MEMO1: variants seen among roughly 807,000 people sequenced by gnomAD.
MEMO1 encodes the protein mediator of cell motility 1.
In MEMO1, 6 loss-of-function variants were observed where a neutral mutation model predicts 45.2. That is an observed-to-expected ratio of 0.13 (90% confidence interval 0.07 to 0.26). The LOEUF (loss-of-function observed/expected upper bound fraction) is 0.26, where lower values mean the gene tolerates loss of function less well. MEMO1 is among the 10% of genes least tolerant of loss of function. MEMO1 has a pLI of 1.00. For missense variants in MEMO1, 184 were observed against 370.5 expected, an observed-to-expected ratio of 0.50 and a Z score of 4.13; for synonymous variants, 78 against 124.3, an observed-to-expected ratio of 0.63 and a Z score of 2.48.
intron 2 of MEMO1, among the ~76,000 whole-genome samples, chr2:31,947,911 A>G (rs1666373565): frequency 6.6e-6 from 1 of 152,202 alleles, no homozygotes; most frequent in Non-Finnish European, 1.5e-5. Flanking sequence ...TTGGTTTTCT[A>G]TACTTCTCTA....
rs542496525 is a variant in MEMO1, at chr2:31,990,694, A to G, written c.61+19493T>C. ...AGTGCTAGGATTACAGGTATGAGCG[A>G]CCACGCCTAGCCAAAAGTAAGTAAC... On this transcript the variant is annotated intron_variant, in intron 2 of 9. Transcript: ENST00000404530. 1.7e-3 allele frequency among the ~76,000 whole-genome samples: 262 copies of G among 151,382 alleles called. 2 individuals are homozygous for G. The highest frequency in any genetic ancestry group is 8.2e-4 in the Non-Finnish European group (56 of 67,906).
intron 2 of MEMO1, among the ~76,000 whole-genome samples, chr2:31,980,285 T>G (rs1437793677): frequency 2.6e-5 from 4 of 152,068 alleles, no homozygotes; most frequent in Non-Finnish European, 5.9e-5. Context: ...ATTTTAAAAT[T>G]AGCTGGGCGT....
At chr2:31,905,304 GGAA>G (rs1679505360) in intron 6 of MEMO1, among the ~76,000 whole-genome samples, 1 of 152,106 alleles carries the variant, frequency 6.6e-6, no homozygotes, top group Admixed American at 6.5e-5. Context: ...AGAGGATAGG[GGAA>G]GAAGAAGGGT....
intron 2 of MEMO1, among the ~76,000 whole-genome samples, chr2:31,999,498 C>CA (rs1439376179): frequency 6.6e-5 from 10 of 152,106 alleles, no homozygotes; most frequent in African/African-American, 9.7e-5. Context: ...CCCGCCCCCC[C>CA]ATCTCTACCA....
chr2:31,893,176 T>TGTTA (rs1558481897), intron 6 of MEMO1: 1 of 207,080 alleles, frequency 4.8e-6, no homozygotes, highest in Non-Finnish European at 1.1e-5. Context: ...CCCAAATAAA[T>TGTTA]GTTAGCCCAG....
chr2:31,981,039 C>A (rs570381440), intron 2 of MEMO1, among the ~76,000 whole-genome samples: 1 of 152,230 alleles, frequency 6.6e-6, no homozygotes, highest in Non-Finnish European at 1.5e-5. Flanking sequence ...GTCAATCGTA[C>A]ACCAATTCAG....
rs193294234 is a variant in MEMO1 at position 32,002,385 on chromosome 2, A to C, written c.61+7802T>G. 3.1e-3 allele frequency among the ~76,000 whole-genome samples: 465 copies of C among 150,250 alleles called. 2 individuals are homozygous for C. The highest frequency in any genetic ancestry group is 0.011 in the African/African-American group (438 of 41,076). On this transcript the variant is annotated intron_variant, in intron 2 of 9. Transcript: ENST00000404530. ...TGAGGAAATCCTTTATATAAGCCAC[A>C]ATATACATATATATATAATATACAT... is the stretch of plus-strand genomic sequence containing the variant.
chr2:31,973,826 G>C (rs1283645200), intron 2 of MEMO1, among the ~76,000 whole-genome samples: 1 of 152,160 alleles, frequency 6.6e-6, no homozygotes, highest in Non-Finnish European at 1.5e-5. Context: ...AGGAAAAGGA[G>C]AGTGACTGCT....
rs946795320 is a variant in MEMO1 at position 32,010,197 on chromosome 2, G to A, written c.51C>T (p.Tyr17=). The A allele has an allele frequency of 1.2e-5, 18 of 1,490,298 alleles. No individual in the cohort carries two copies. Among genetic ancestry groups the A allele is most frequent in the Non-Finnish European group, 1.6e-5 (18 of 1,113,486 alleles). The allele number at this position is 1,490,298 out of a possible 1,614,324, so 92.3% of individuals were successfully genotyped here. ...GGCCTGGGGCCCTACCTGAGGCTGT[G>A]TACCAGCTCCCGGCGTGACTGGCTT... ...CREASHAGSW[Y]TASGPQLNAQ... Residue 17 remains tyrosine (Y), a synonymous_variant, in exon 2 of 10, where the codon TAC becomes TAT. Coordinates refer to ENST00000404530, the MANE Select transcript of MEMO1 (RefSeq NM_001301833.4).
intron 2 of MEMO1, among the ~76,000 whole-genome samples, chr2:31,986,161 G>A (rs1326357558): frequency 2.6e-5 from 4 of 152,104 alleles, no homozygotes; most frequent in Admixed American, 6.6e-5. Flanking sequence ...TTGGGAGGCC[G>A]AGGCAGGCAG....
At chr2:31,871,248 T>C (rs987233876) in intron 8 of MEMO1, among the ~76,000 whole-genome samples, 2 of 152,216 alleles carry the variant, frequency 1.3e-5, no homozygotes, top group Admixed American at 1.3e-4. Context: ...GTGGTTTAAC[T>C]AGGGACTTAA....
chr2:31,887,043 G>T lies in MEMO1; in HGVS notation c.581-3581C>A, dbSNP rs535415681. Among the ~76,000 whole-genome samples the T allele has an allele frequency of 3.9e-5, 6 of 152,268 alleles. No homozygotes were observed. The South Asian group carries it at 1.0e-3, about 26-fold the overall frequency. On this transcript the variant is annotated intron_variant, in intron 7 of 9. Transcript: ENST00000404530. ...TAAAGCAGAAACCTTACTCTTTGAGGGAAGGAGGGTAGCTCATTTGTGAAT... is the reference window on the plus strand; with the variant it reads ...TAAAGCAGAAACCTTACTCTTTGAGTGAAGGAGGGTAGCTCATTTGTGAAT...
At chr2:31,925,516 C>CT (rs1334575278) in intron 4 of MEMO1, among the ~76,000 whole-genome samples, 1 of 146,848 alleles carries the variant, frequency 6.8e-6, no homozygotes, top group Non-Finnish European at 1.5e-5. Flanking sequence ...CCCGGAGATA[C>CT]TTTCCCCAAT....
At chr2:31,947,829 A>C (rs573414335) in intron 2 of MEMO1, among the ~76,000 whole-genome samples, 109 of 152,288 alleles carry the variant, frequency 7.2e-4, no homozygotes, top group African/African-American at 2.5e-3. Flanking sequence ...ACACACACAC[A>C]CCTGCTTTTC....
At chr2:31,989,577 G>C (rs1671691857) in intron 2 of MEMO1, among the ~76,000 whole-genome samples, 1 of 152,144 alleles carries the variant, frequency 6.6e-6, no homozygotes, top group Non-Finnish European at 1.5e-5. Context: ...TAGATTCATA[G>C]ATCTTAATGA....
At chr2:31,930,806 T>C (rs942246698) in intron 4 of MEMO1, among the ~76,000 whole-genome samples, 2 of 148,750 alleles carry the variant, frequency 1.3e-5, no homozygotes, top group Non-Finnish European at 3.0e-5. Context: ...CCACCACGCC[T>C]GGCAATTTTT....
At position 31,869,464 on chromosome 2, in the gene MEMO1, G is replaced by A. The variant is rs370738686; in HGVS notation, c.762+384C>T. Among the ~76,000 whole-genome samples, 512 of 152,104 alleles carry A rather than the reference G, an allele frequency of 3.4e-3. 2 individuals carry two copies. Among genetic ancestry groups the A allele is most frequent in the Non-Finnish European group, 4.9e-3 (335 of 67,906 alleles). On this transcript the variant is annotated intron_variant, in intron 9 of 9. Coordinates refer to ENST00000404530, the MANE Select transcript of MEMO1 (RefSeq NM_001301833.4). ...CTTTATTACATTATGAACATTTAAA[G>A]TTTAAGAGCAGAATCTTCCACTTAT...
chr2:31,897,283 C>A (rs1677995996), intron 6 of MEMO1, among the ~76,000 whole-genome samples: 1 of 152,152 alleles, frequency 6.6e-6, no homozygotes, highest in African/African-American at 2.4e-5. Flanking sequence ...TGAGAGGAGA[C>A]ACACTTGTGC....
intron 2 of MEMO1, among the ~76,000 whole-genome samples, chr2:31,986,974 T>G (rs1179148769): frequency 6.6e-6 from 1 of 152,080 alleles, no homozygotes; most frequent in East Asian, 1.9e-4. Flanking sequence ...TGTAGCATGT[T>G]GCAACAATTA....
Sources: allele counts gnomAD v4.1 joint callset (sites outside exome capture counted in the v4.1 genomes callset), GRCh38; gene constraint gnomAD v4.1.1; transcripts MANE v1.5; gene names NCBI Gene and HGNC (gene_info 2026-07-23, HGNC 2026-07-21).